The following MAGI2 variants were observed in gnomAD, a reference collection of about 807,000 sequenced individuals.
MAGI2 encodes membrane associated guanylate kinase, WW and PDZ domain containing 2.
In MAGI2, 35 loss-of-function variants were observed where a neutral mutation model predicts 133.3. The ratio of observed to expected loss-of-function variants is 0.26; its 90% CI spans 0.20 to 0.35. The LOEUF (loss-of-function observed/expected upper bound fraction) is 0.35, where lower values mean the gene tolerates loss of function less well. Among genes scored for constraint, MAGI2 ranks in the 10% least tolerant of loss-of-function variants. The pLI is 1.00. For missense variants in MAGI2, 1,636 were observed against 1,863.4 expected (o/e 0.88, Z 2.25); for synonymous variants, 729 against 710.6 (o/e 1.03, Z -0.41).
At chr7:78,722,918 T>C (rs1404132686) in intron 2 of MAGI2, among the ~76,000 whole-genome samples, 3 of 152,162 alleles carry the variant, frequency 2.0e-5, no homozygotes, top group African/African-American at 7.2e-5. Flanking sequence ...AATTATAGAA[T>C]AATATAATCA....
chr7:78,735,628 T>C (rs1821773999), intron 2 of MAGI2, among the ~76,000 whole-genome samples: 1 of 152,204 alleles, frequency 6.6e-6, no homozygotes, highest in African/African-American at 2.4e-5. Context: ...GCAAAACATA[T>C]TGTCACTGAT....
intron 6 of MAGI2, among the ~76,000 whole-genome samples, chr7:78,487,986 A>C (rs1385435138): frequency 1.3e-5 from 2 of 152,038 alleles, no homozygotes; most frequent in Admixed American, 6.6e-5. Context: ...ACCTAAAAGC[A>C]CTTTTCTTGG....
chr7:78,575,485 T>C (rs766083599), intron 3 of MAGI2, among the ~76,000 whole-genome samples: 1 of 152,068 alleles, frequency 6.6e-6, no homozygotes, highest in Non-Finnish European at 1.5e-5. Flanking sequence ...GGGCTGCACA[T>C]AGTGACTTTT....
In MAGI2 at chr7:78,963,906, T is replaced by A. The variant is rs60411448; in HGVS notation, c.418+43184A>T. Among the ~76,000 whole-genome samples, 559 of 152,176 alleles carry A rather than the reference T, an allele frequency of 3.7e-3. 2 individuals carry two copies. Among genetic ancestry groups the A allele is most frequent in the African/African-American group, 0.013 (526 of 41,554 alleles). On this transcript the variant is annotated intron_variant, in intron 2 of 21. Coordinates refer to ENST00000354212, the MANE Select transcript of MAGI2 (RefSeq NM_012301.4). ...GGTGATTTTCGAACTCAGGGTTTTT[T>A]AATTTTGGTTTGCTGCACTGTGTTC...
chr7:78,047,856 T>C (rs1811589921), intron 21 of MAGI2, among the ~76,000 whole-genome samples: 1 of 152,200 alleles, frequency 6.6e-6, no homozygotes, highest in Non-Finnish European at 1.5e-5. Flanking sequence ...TGCGTTGATT[T>C]TGCCTATGAC....
Position 78,101,947 on chromosome 7 carries a change from A to C in MAGI2, c.3568-22862T>G, listed in dbSNP as rs78003223. Among the ~76,000 whole-genome samples the C allele has an allele frequency of 9.7e-3, 1,473 of 152,336 alleles. 25 individuals carry two copies. The highest frequency in any genetic ancestry group is 0.034 in the African/African-American group (1,405 of 41,582). ...GCACCATATTCACAATAGCCAAGAT[A>C]CGAAAACAACCTAAGTATACATCAA... is the stretch of plus-strand genomic sequence containing the variant. On this transcript the variant is annotated intron_variant, in intron 20 of 21. Coordinates refer to ENST00000354212, the MANE Select transcript of MAGI2 (RefSeq NM_012301.4).
intron 2 of MAGI2, among the ~76,000 whole-genome samples, chr7:78,853,723 T>C (rs1480227592): frequency 6.6e-6 from 1 of 151,982 alleles, no homozygotes; most frequent in East Asian, 1.9e-4. Context: ...AAAATGACTT[T>C]AAATGAAAGT....
intron 1 of MAGI2, among the ~76,000 whole-genome samples, chr7:79,136,589 C>T (rs1821598273): frequency 1.3e-5 from 2 of 152,206 alleles, no homozygotes; most frequent in Admixed American, 6.5e-5. Flanking sequence ...GACACCTATT[C>T]AGACCTATTG....
chr7:78,839,133 TAAAA>T (rs2151458869), intron 2 of MAGI2, among the ~76,000 whole-genome samples: 1 of 151,870 alleles, frequency 6.6e-6, no homozygotes, highest in Admixed American at 6.6e-5. Flanking sequence ...AAGAGAAGCA[TAAAA>T]AGAAAGAGAG....
At chr7:78,209,922 T>C (rs1393795561) in intron 10 of MAGI2, among the ~76,000 whole-genome samples, 1 of 152,128 alleles carries the variant, frequency 6.6e-6, no homozygotes, top group East Asian at 1.9e-4. Context: ...TTGCACCAAC[T>C]CCTTTATTTG....
intron 6 of MAGI2, among the ~76,000 whole-genome samples, chr7:78,412,912 T>C (rs955088996): frequency 1.3e-5 from 2 of 152,086 alleles, no homozygotes; most frequent in African/African-American, 4.8e-5. Flanking sequence ...TATAAACATA[T>C]GAATGCTTCC....
At chr7:79,306,242 A>C (rs1412313186) in intron 1 of MAGI2, among the ~76,000 whole-genome samples, 3 of 146,292 alleles carry the variant, frequency 2.1e-5, no homozygotes, top group Non-Finnish European at 4.5e-5. Flanking sequence ...TTATATGTAT[A>C]TGTATATTTT....
intron 1 of MAGI2, among the ~76,000 whole-genome samples, chr7:79,342,276 C>T (rs1293617128): frequency 6.6e-6 from 1 of 152,184 alleles, no homozygotes; most frequent in African/African-American, 2.4e-5. Context: ...CCTTGTTATT[C>T]GTTCTCTGCA....
chr7:78,997,134 T>C (rs1237854040), intron 2 of MAGI2, among the ~76,000 whole-genome samples: 1 of 152,216 alleles, frequency 6.6e-6, no homozygotes, highest in Non-Finnish European at 1.5e-5. Flanking sequence ...GTGGGTCTTG[T>C]TGAGCAGCAA....
rs1376090700 is a variant in MAGI2, at chr7:79,139,091, C to T, written c.302-131885G>A. ...ATCATTTACAAGCTAAGGGGAGAGG[C>T]CTTAGAAGAAACCAAACCTCCTGAC... On this transcript the variant is annotated intron_variant, in intron 1 of 21. Transcript: ENST00000354212. Among the ~76,000 whole-genome samples, 4 of 151,884 alleles carry T rather than the reference C, an allele frequency of 2.6e-5. No individual in the cohort carries two copies. In the East Asian group the frequency reaches 5.8e-4, roughly 22 times the overall value.
intron 1 of MAGI2, among the ~76,000 whole-genome samples, chr7:79,416,089 G>A (rs958777754): frequency 2.6e-5 from 4 of 152,142 alleles, no homozygotes; most frequent in African/African-American, 9.7e-5. Flanking sequence ...CTTGCTTCAA[G>A]GGGTAACAAT....
chr7:79,199,231 G>A (rs1028523023), intron 1 of MAGI2, among the ~76,000 whole-genome samples: 3 of 151,966 alleles, frequency 2.0e-5, no homozygotes, highest in African/African-American at 7.3e-5. Context: ...TCCAACAAGA[G>A]TAATAATATT....
chr7:78,205,698 T>C (rs552705894), intron 10 of MAGI2, among the ~76,000 whole-genome samples: 7 of 152,326 alleles, frequency 4.6e-5, no homozygotes, highest in Admixed American at 2.0e-4. Flanking sequence ...CTGGTCATCC[T>C]ATATAGAGAA....
chr7:78,152,624 T>TG (rs1218656440), intron 16 of MAGI2, among the ~76,000 whole-genome samples: 3 of 152,264 alleles, frequency 2.0e-5, no homozygotes, highest in Non-Finnish European at 4.4e-5. Context: ...TCAGCATAGA[T>TG]GATGAATACA....
Sources: gnomAD v4.1 joint callset for allele counts (sites outside exome capture counted in the v4.1 genomes callset) on GRCh38, gnomAD v4.1.1 for gene constraint, MANE v1.5 for transcripts, NCBI Gene and HGNC (gene_info 2026-07-23, HGNC 2026-07-21) for gene names.